The following DIPK1A variants were observed in gnomAD, a reference collection of about 807,000 sequenced individuals.
DIPK1A encodes the protein divergent protein kinase domain 1A, also known as family with sequence similarity 69 member A.
A neutral mutation model predicts 40.8 loss-of-function variants in DIPK1A; 27 were observed. The ratio of observed to expected loss-of-function variants is 0.66; its 90% CI spans 0.49 to 0.91. The LOEUF (loss-of-function observed/expected upper bound fraction) is 0.91, where lower values mean the gene tolerates loss of function less well. Among genes scored for constraint, DIPK1A ranks in the 40% least tolerant of loss-of-function variants. The pLI is 0.00. For synonymous variants in DIPK1A, 166 were observed against 171.3 expected (o/e 0.97, Z 0.24); for missense variants, 412 against 505.7 (o/e 0.81, Z 1.78).
intron 1 of DIPK1A, among the ~76,000 whole-genome samples, chr1:92,957,056 T>G (rs1015557723): frequency 3.3e-5 from 5 of 152,198 alleles, no homozygotes; most frequent in African/African-American, 1.2e-4. Context: ...TGCTGAATTG[T>G]CTTGACTTTC....
chr1:92,946,051 C>T (rs909173351), intron 1 of DIPK1A, among the ~76,000 whole-genome samples: 3 of 152,128 alleles, frequency 2.0e-5, no homozygotes, highest in African/African-American at 7.2e-5. Flanking sequence ...ATCACATGTT[C>T]TTTTCCCTAT....
At chr1:92,943,779 A>G (rs1651261351) in intron 1 of DIPK1A, among the ~76,000 whole-genome samples, 1 of 152,198 alleles carries the variant, frequency 6.6e-6, no homozygotes, top group Non-Finnish European at 1.5e-5. Context: ...GTCTAATGGG[A>G]AAACAGACTA....
chr1:92,885,503 G>A (rs925156644), intron 1 of DIPK1A, among the ~76,000 whole-genome samples: 1 of 152,060 alleles, frequency 6.6e-6, no homozygotes, highest in Non-Finnish European at 1.5e-5. Flanking sequence ...TTACAGGTGT[G>A]CACCACCACA....
chr1:92,928,333 A>G (rs1239018078), intron 1 of DIPK1A, among the ~76,000 whole-genome samples: 1 of 152,234 alleles, frequency 6.6e-6, no homozygotes, highest in African/African-American at 2.4e-5. Flanking sequence ...TATTCTATTT[A>G]TCCCAATCCT....
chr1:92,840,055 T>C (rs1188026892), downstream of DIPK1A, among the ~76,000 whole-genome samples: 1 of 151,658 alleles, frequency 6.6e-6, no homozygotes, highest in Non-Finnish European at 1.5e-5. Context: ...GGTCTCATTC[T>C]GTCATCTAGG....
chr1:92,874,691 G>C (rs1304227867), intron 2 of DIPK1A, among the ~76,000 whole-genome samples: 1 of 152,174 alleles, frequency 6.6e-6, no homozygotes, highest in Admixed American at 6.5e-5. Context: ...GTTAGAAACT[G>C]AGTTTTGTGG....
At chr1:92,837,356 A>G (rs1253168270), downstream of DIPK1A, 4 of 1,019,436 alleles carry the variant, frequency 3.9e-6, no homozygotes, top group South Asian at 3.8e-5. Flanking sequence ...TGATGCGATA[A>G]TTGTTTCAAG....
chr1:92,942,711 G>A (rs1651202923), intron 1 of DIPK1A, among the ~76,000 whole-genome samples: 1 of 152,136 alleles, frequency 6.6e-6, no homozygotes, highest in Admixed American at 6.5e-5. Context: ...CCAGGCTGGA[G>A]TGCAGTGGCG....
intron 4 of DIPK1A, chr1:92,833,132 G>A (rs1686976457): frequency 3.0e-6 from 2 of 672,786 alleles, no homozygotes; most frequent in East Asian, 2.7e-5. Flanking sequence ...ATTGGGGCCT[G>A]CATTTTGTAT....
intron 1 of DIPK1A, among the ~76,000 whole-genome samples, chr1:92,899,218 T>G (rs1398374484): frequency 6.6e-6 from 1 of 152,260 alleles, no homozygotes; most frequent in Middle Eastern, 3.2e-3. Flanking sequence ...TATATATATC[T>G]GAGTACTACA....
chr1:92,960,274 CAT>C (rs777076563), intron 1 of DIPK1A, among the ~76,000 whole-genome samples: 20 of 152,230 alleles, frequency 1.3e-4, no homozygotes, highest in Non-Finnish European at 2.2e-4. Flanking sequence ...ATGACTTACA[CAT>C]ACAATTTTCA....
chr1:92,905,217 G>A (rs1283074949), intron 1 of DIPK1A, among the ~76,000 whole-genome samples: 3 of 152,064 alleles, frequency 2.0e-5, no homozygotes. Context: ...TTAGTTTTCT[G>A]AGGAACAACC....
intron 1 of DIPK1A, among the ~76,000 whole-genome samples, chr1:92,953,745 T>C (rs1443128131): frequency 6.6e-6 from 1 of 151,994 alleles, no homozygotes; most frequent in Non-Finnish European, 1.5e-5. Flanking sequence ...CAGGAGGAAA[T>C]GAGGAGTCGT....
intron 4 of DIPK1A, chr1:92,836,138 T>G: frequency 6.6e-7 from 1 of 1,523,414 alleles, no homozygotes; most frequent in South Asian, 1.1e-5. Context: ...TATTTTAATT[T>G]TAGAGCAGTT....
chr1:92,887,254 T>TA (rs60399090), intron 1 of DIPK1A, among the ~76,000 whole-genome samples: 71,184 of 106,808 alleles, frequency 0.67, 23,556 homozygotes, highest in East Asian at 0.95. Flanking sequence ...CCATCTCTAC[T>TA]AAAAAAAAAA....
At chr1:92,871,514 T>A (rs1372718512) in intron 2 of DIPK1A, among the ~76,000 whole-genome samples, 3 of 152,182 alleles carry the variant, frequency 2.0e-5, no homozygotes, top group African/African-American at 7.2e-5. Context: ...TTGGAAATGG[T>A]ACACTCTTTC....
downstream of DIPK1A, among the ~76,000 whole-genome samples, chr1:92,838,753 G>A (rs1237964814): frequency 6.6e-6 from 1 of 152,174 alleles, no homozygotes; most frequent in Non-Finnish European, 1.5e-5. Flanking sequence ...TTTGTTGAAT[G>A]ACTATATATG....
At chr1:92,910,891 C>G (rs1301996105) in intron 1 of DIPK1A, among the ~76,000 whole-genome samples, 1 of 152,096 alleles carries the variant, frequency 6.6e-6, no homozygotes, top group Non-Finnish European at 1.5e-5. Flanking sequence ...TATGTCTCCA[C>G]TATTACAGTC....
At chr1:92,942,575 G>T (rs1347714076) in intron 1 of DIPK1A, among the ~76,000 whole-genome samples, 2 of 151,976 alleles carry the variant, frequency 1.3e-5, no homozygotes, top group South Asian at 2.1e-4. Flanking sequence ...GGGGAAAAAA[G>T]TTCCATCTTA....
Sources: gnomAD v4.1 joint callset for allele counts (sites outside exome capture counted in the v4.1 genomes callset) on GRCh38, gnomAD v4.1.1 for gene constraint, MANE v1.5 for transcripts, NCBI Gene and HGNC (gene_info 2026-07-23, HGNC 2026-07-21) for gene names.